The following TCERG1 variants were observed in gnomAD, a reference collection of about 807,000 sequenced individuals.
TCERG1 encodes TATA box binding protein (TBP)-associated factor, RNA polymerase II, S, 150kD.
TCERG1 carries 37 observed loss-of-function variants against 144.7 expected under a neutral mutation model. That is an observed-to-expected ratio of 0.26 (90% CI 0.20 to 0.34). TCERG1 has a LOEUF of 0.34. Among genes scored for constraint, TCERG1 ranks in the 10% least tolerant of loss-of-function variants. The pLI is 1.00. For missense variants in TCERG1, 1,027 were observed against 1,380.7 expected (o/e 0.74, Z 4.06); for synonymous variants, 492 against 458.2 (o/e 1.07, Z -0.94).
At chr5:146,497,325 T>C (rs10477302) in intron 16 of TCERG1, among the ~76,000 whole-genome samples, 37,292 of 152,108 alleles carry the variant, frequency 0.25, 5,691 homozygotes, top group East Asian at 0.83. Context: ...CGTCAGCTAC[T>C]GTGCCTGGCT....
chr5:146,506,398 T>C (rs1271563938), intron 19 of TCERG1, among the ~76,000 whole-genome samples: 1 of 152,204 alleles, frequency 6.6e-6, no homozygotes, highest in Non-Finnish European at 1.5e-5. Flanking sequence ...GAAGTCATAA[T>C]TGTATATACT....
At chr5:146,497,271 A>G (rs1304963127) in intron 16 of TCERG1, among the ~76,000 whole-genome samples, 1 of 152,026 alleles carries the variant, frequency 6.6e-6, no homozygotes, top group Non-Finnish European at 1.5e-5. Flanking sequence ...CCCAGGTTCA[A>G]AAGATTATTT....
At chr5:146,470,582 C>G in intron 7 of TCERG1, 54 bp from the exon 8 acceptor site, 1 of 1,458,556 alleles carries the variant, frequency 6.9e-7, no homozygotes, top group South Asian at 1.3e-5. Flanking sequence ...TCTGAAAGTT[C>G]TTAGAAAATT....
chr5:146,451,543 G>A (rs1404420716), intron 1 of TCERG1, among the ~76,000 whole-genome samples: 1 of 151,588 alleles, frequency 6.6e-6, no homozygotes, highest in African/African-American at 2.4e-5. Context: ...GGATGGTCTC[G>A]AATTTCTGAC....
chr5:146,506,807 A>C (rs1481750000), intron 19 of TCERG1, among the ~76,000 whole-genome samples: 6 of 152,120 alleles, frequency 3.9e-5, no homozygotes, highest in Non-Finnish European at 8.8e-5. Context: ...CTCTAGGTTT[A>C]TCCATGCCAT....
At chr5:146,470,805 C>A in intron 8 of TCERG1, 57 bp downstream of exon 8, 1 of 1,246,814 alleles carries the variant, frequency 8.0e-7, no homozygotes, top group South Asian at 1.4e-5. Context: ...CTACAGCTTA[C>A]TTGTATCTGA....
chr5:146,485,553 A>G (rs1765744397), intron 15 of TCERG1, among the ~76,000 whole-genome samples: 1 of 152,142 alleles, frequency 6.6e-6, no homozygotes, highest in African/African-American at 2.4e-5. Context: ...TTCTTTCCCA[A>G]TTTTTGAAGC....
Position 146,455,125 on chromosome 5 carries a change from A to G in TCERG1, c.129A>G (p.Pro43=). 2 of 1,614,108 alleles carry G rather than the reference A, an allele frequency of 1.2e-6. No homozygotes were observed. The highest frequency in any genetic ancestry group is 1.1e-5 in the South Asian group (1 of 91,076). ...APPPNAVMRG[P]PPLMRPPPPF... is the part of the protein sequence containing the mutation. ...CACCAAATGCAGTGATGCGAGGCCCACCACCTCTGATGCGACCTCCTCCAC... is the reference window on the plus strand; with the variant it reads ...CACCAAATGCAGTGATGCGAGGCCCGCCACCTCTGATGCGACCTCCTCCAC... Residue 43 remains proline (P), a synonymous_variant, in exon 2 of 23, where the codon CCA becomes CCG. Coordinates refer to ENST00000679501, the MANE Select transcript of TCERG1 (RefSeq NM_001382548.1).
chr5:146,475,989 C>A (rs1764807886), intron 9 of TCERG1, among the ~76,000 whole-genome samples: 1 of 152,094 alleles, frequency 6.6e-6, no homozygotes, highest in South Asian at 2.1e-4. Flanking sequence ...TCAGGAGAAG[C>A]CTCTTGCGCT....
Position 146,469,544 on chromosome 5 carries a change from G to T in TCERG1, c.1199G>T (p.Gly400Val). ...YVKTVATTKT[G>V]VLPGMAPPIV... The stretch of plus-strand genomic sequence containing the variant: ...TAATTTTTTATTATTCTTTTTTTAG[G>T]TGTATTGCCAGGAATGGCCCCTCCT... Residue 400 changes from glycine to valine, a missense_variant and splice_region_variant, in exon 7 of 23, where the codon GGT (glycine) becomes GTT (valine). Gly to Val is a moderately radical substitution (Grantham distance 109, BLOSUM62 -3). Coordinates refer to ENST00000679501, the MANE Select transcript of TCERG1 (RefSeq NM_001382548.1). 2 of 1,578,736 alleles carry T rather than the reference G, an allele frequency of 1.3e-6. No homozygotes were observed. Among genetic ancestry groups the T allele is most frequent in the Non-Finnish European group, 8.6e-7 (1 of 1,167,240 alleles).
In TCERG1 at chr5:146,447,360, G is replaced by T. The variant is rs768646538; in HGVS notation, c.11G>T (p.Arg4Leu). Residue 4 changes from arginine to leucine, a missense_variant, in exon 1 of 23, where the codon CGT becomes CTT. Physicochemically the swap from Arg to Leu is moderately radical, Grantham distance 102. Transcript: ENST00000679501. MAERGGDGGESERF... is the reference protein window; with the variant it reads MAELGGDGGESERF... ...ACGCGGCCCTCTGTAATGGCGGAGC[G>T]TGGCGGGGACGGGGGCGAGAGTGAA... 74 of 1,611,936 alleles carry T rather than the reference G, an allele frequency of 4.6e-5. No individual in the cohort carries two copies. The highest frequency in any genetic ancestry group is 6.3e-5 in the Non-Finnish European group (74 of 1,179,154).
Position 146,459,156 on chromosome 5 carries a change from CCAGGCCCAGGCT to C in TCERG1, c.716_727del (p.Ala239_Gln242del). 378 of 1,612,462 alleles carry C rather than the reference CCAGGCCCAGGCT, an allele frequency of 2.3e-4. No individual in the cohort carries two copies. Among genetic ancestry groups the C allele is most frequent in the Non-Finnish European group, 2.6e-4 (310 of 1,178,918 alleles). ...CTCAGGCTCAGGCACAAGCTCAGGC[CCAGGCCCAGGCT>C]CAGGTCCAGGCCCAGGTCCAGGCAC... On this transcript the variant is annotated inframe_deletion, in exon 4 of 23. Transcript: ENST00000679501.
chr5:146,473,412 G>A (rs1764530409), intron 9 of TCERG1, among the ~76,000 whole-genome samples: 1 of 152,198 alleles, frequency 6.6e-6, no homozygotes, highest in Admixed American at 6.5e-5. Flanking sequence ...GCAAGAGGAA[G>A]CAGCACGTGC....
At chr5:146,504,875 C>T (rs1044073824) in intron 19 of TCERG1, among the ~76,000 whole-genome samples, 1 of 152,038 alleles carries the variant, frequency 6.6e-6, no homozygotes, top group South Asian at 2.1e-4. Context: ...GGCGAAACCC[C>T]GTCTCTAATA....
chr5:146,466,099 A>G (rs1285081779), intron 5 of TCERG1, among the ~76,000 whole-genome samples: 2 of 151,946 alleles, frequency 1.3e-5, no homozygotes, highest in African/African-American at 4.8e-5. Context: ...ATATTTGTTC[A>G]CTTTTCTCAT....
In TCERG1 at chr5:146,510,686, A is replaced by G; in HGVS notation, c.*44A>G. The G allele has an allele frequency of 6.4e-7, 1 of 1,567,098 alleles. No homozygotes were observed. The highest frequency in any genetic ancestry group is 8.7e-7 in the Non-Finnish European group (1 of 1,155,284). ...AGGGGCATCTATTCAAAATGCTTGC[A>G]TGAGCCAATTTTCAGGTTTTTACAT... is the stretch of plus-strand genomic sequence containing the variant. On this transcript the variant is annotated 3_prime_UTR_variant, in exon 23 of 23. Coordinates refer to ENST00000679501, the MANE Select transcript of TCERG1 (RefSeq NM_001382548.1).
At chr5:146,506,411 C>G (rs185516517) in intron 19 of TCERG1, among the ~76,000 whole-genome samples, 2 of 151,974 alleles carry the variant, frequency 1.3e-5, no homozygotes, top group Admixed American at 6.6e-5. Context: ...TATATACTTA[C>G]GGGGTACAGT....
intron 9 of TCERG1, among the ~76,000 whole-genome samples, chr5:146,472,048 A>T (rs532226716): frequency 1.3e-5 from 2 of 152,202 alleles, no homozygotes; most frequent in East Asian, 3.8e-4. Flanking sequence ...CTGAAGTTCA[A>T]TTACTACAAG....
Position 146,459,177 on chromosome 5 carries a change from G to A in TCERG1, c.732G>A (p.Gln244=), listed in dbSNP as rs773627794. The A allele has an allele frequency of 1.2e-5, 19 of 1,613,810 alleles. No individual in the cohort carries two copies. The highest frequency in any genetic ancestry group is 1.4e-5 in the Non-Finnish European group (16 of 1,179,912). The change falls in exon 4 of 23, where the codon CAG becomes CAA. Residue 244 remains glutamine (Q), a synonymous_variant. Transcript: ENST00000679501. ...QAQAQAQAQV[Q]AQVQAQVQAQ... ...AGGCCCAGGCCCAGGCTCAGGTCCA[G>A]GCCCAGGTCCAGGCACAAGTGCAAG...
Sources: allele counts gnomAD v4.1 joint callset (sites outside exome capture counted in the v4.1 genomes callset), GRCh38; gene constraint gnomAD v4.1.1; transcripts MANE v1.5; gene names NCBI Gene and HGNC (gene_info 2026-07-23, HGNC 2026-07-21).